The following EPS15L1 variants were observed in gnomAD, a reference collection of about 807,000 sequenced individuals.
EPS15L1 encodes epidermal growth factor receptor substrate 15-like 1.
In EPS15L1, 43 loss-of-function variants were observed where a neutral mutation model predicts 117.1. The observed-to-expected ratio is 0.37, with a 90% CI of 0.29 to 0.47. The LOEUF is 0.47. EPS15L1 is among the 20% of genes least tolerant of loss of function. The pLI, the probability that EPS15L1 is intolerant of heterozygous loss-of-function variation, is 0.99. For missense variants in EPS15L1, 981 were observed against 1,164.0 expected (o/e 0.84, Z 2.29); for synonymous variants, 459 against 470.5 (o/e 0.98, Z 0.32).
chr19:16,430,770 C>A (rs925767476), intron 7 of EPS15L1, among the ~76,000 whole-genome samples: 1 of 152,160 alleles, frequency 6.6e-6, no homozygotes, highest in Non-Finnish European at 1.5e-5. Flanking sequence ...GATGCAAGTG[C>A]GCACGGATGA....
chr19:16,367,254 A>G (rs964734616), intron 22 of EPS15L1, among the ~76,000 whole-genome samples: 1 of 151,740 alleles, frequency 6.6e-6, no homozygotes, highest in Non-Finnish European at 1.5e-5. Context: ...CGGGGACCAC[A>G]GCAGACGGCA....
At chr19:16,422,947 G>A (rs2092831794) in intron 9 of EPS15L1, among the ~76,000 whole-genome samples, 1 of 134,636 alleles carries the variant, frequency 7.4e-6, no homozygotes, top group Non-Finnish European at 1.6e-5. Flanking sequence ...GACAGAGCAA[G>A]ACTCCGTCTC....
intron 12 of EPS15L1, among the ~76,000 whole-genome samples, chr19:16,414,705 T>C (rs1462529820): frequency 1.3e-5 from 2 of 150,068 alleles, no homozygotes; most frequent in Non-Finnish European, 3.0e-5. Flanking sequence ...GGCCTTTTTT[T>C]GGTTTTGTTT....
chr19:16,404,510 G>A lies in EPS15L1; in HGVS notation c.1428+78C>T. On this transcript the variant is annotated intron_variant, in intron 14 of 23. Coordinates refer to ENST00000455140, the MANE Select transcript of EPS15L1 (RefSeq NM_001258374.3). This position sits in a 1 kb window ranked among gnomAD's most constrained non-coding sequence, Gnocchi z 4.2. ...GGATGTCTAAGTGTTGTGTTCCCAGGTAACACGAGCTCAGGGGAGTCCTTG... is the reference window on the plus strand; with the variant it reads ...GGATGTCTAAGTGTTGTGTTCCCAGATAACACGAGCTCAGGGGAGTCCTTG... 1.3e-6 allele frequency: 2 copies of A among 1,510,954 alleles called. No homozygotes were observed. Among genetic ancestry groups the A allele is most frequent in the Non-Finnish European group, 1.8e-6 (2 of 1,101,168 alleles). 93.6% of individuals were successfully genotyped at this position (1,510,954 alleles called of 1,614,324 possible). A position where few individuals can be genotyped will look rare whatever the true frequency, so the allele number is the denominator to read the frequency against.
At chr19:16,424,973 TAA>T (rs2092854823) in intron 9 of EPS15L1, 108 bp downstream of exon 9, 4 of 1,038,632 alleles carry the variant, frequency 3.9e-6, no homozygotes. Context: ...AAGCATTTTT[TAA>T]AGACATTTCA....
intron 14 of EPS15L1, 35 bp from the exon 15 acceptor site, chr19:16,403,965 C>G: frequency 6.4e-7 from 1 of 1,573,674 alleles, no homozygotes; most frequent in Non-Finnish European, 8.7e-7. Context: ...TAAAGAGATT[C>G]ACAGTGCAGG....
intron 10 of EPS15L1, among the ~76,000 whole-genome samples, chr19:16,420,836 G>A (rs558834048): frequency 3.9e-5 from 6 of 152,338 alleles, no homozygotes; most frequent in Admixed American, 2.6e-4. Flanking sequence ...GGGCTCTGAG[G>A]CACTGACAGG....
chr19:16,355,844 T>C lies in EPS15L1; in HGVS notation c.2594A>G (p.Asn865Ser). 1.2e-5 allele frequency: 19 copies of C among 1,535,778 alleles called. No homozygotes were observed. Among genetic ancestry groups the C allele is most frequent in the Non-Finnish European group, 1.5e-5 (17 of 1,146,602 alleles). ...SGFADFTSFGNEEQQLAWAKR... is the reference protein window; with the variant it reads ...SGFADFTSFGSEEQQLAWAKR... ...GGCCCACGCCAGCTGCTGCTCCTCATTGCCAAACTGCAAAGGAAAAACGGA... is the reference window on the plus strand; with the variant it reads ...GGCCCACGCCAGCTGCTGCTCCTCACTGCCAAACTGCAAAGGAAAAACGGA... The change falls in exon 24 of 24, where the codon AAT becomes AGT. Residue 865 changes from asparagine to serine, a missense_variant. Physicochemically the swap from Asn to Ser is conservative, Grantham distance 46. Coordinates refer to ENST00000455140, the MANE Select transcript of EPS15L1 (RefSeq NM_001258374.3).
At position 16,425,086 on chromosome 19, in the gene EPS15L1, T is replaced by C; in HGVS notation, c.789A>G (p.Thr263=). 1.2e-6 allele frequency: 2 copies of C among 1,613,536 alleles called. No individual in the cohort carries two copies. Among genetic ancestry groups the C allele is most frequent in the Non-Finnish European group, 1.7e-6 (2 of 1,179,408 alleles). The change falls in exon 9 of 24, where the codon ACA becomes ACG. Residue 263 remains threonine (T), a synonymous_variant. Coordinates refer to ENST00000455140, the MANE Select transcript of EPS15L1 (RefSeq NM_001258374.3). The part of the protein sequence containing the change: ...SLSPKHSLKQ[T]QPTVNWVVPV... ...GTGCCCGCTGAGGGCTCCGTACCTGTGTTTGCTTGAGGCTGTGCTTGGGGG... is the reference window on the plus strand; with the variant it reads ...GTGCCCGCTGAGGGCTCCGTACCTGCGTTTGCTTGAGGCTGTGCTTGGGGG...
In EPS15L1 at chr19:16,417,998, C is replaced by T. The variant is rs538369139; in HGVS notation, c.1057G>A (p.Val353Ile). The T allele has an allele frequency of 6.8e-6, 11 of 1,614,182 alleles. No homozygotes were observed. In the East Asian group the frequency reaches 2.2e-4, roughly 33 times the overall value. ...KVSKGIDPPQ[V>I]LSPDMVPPSE... ...GGCGGGACCATGTCCGGCGAGAGGACTTGAGGAGGGTCGATGCCTTTACTG... is the reference window on the plus strand; with the variant it reads ...GGCGGGACCATGTCCGGCGAGAGGATTTGAGGAGGGTCGATGCCTTTACTG... The change falls in exon 11 of 24, where the codon GTC (valine) becomes ATC (isoleucine). Residue 353 changes from valine (V) to isoleucine (I), a missense_variant. Val to Ile is a conservative substitution (Grantham distance 29). Transcript: ENST00000455140.
rs1026250069 is a variant in EPS15L1, at chr19:16,392,999, G to A, written c.1967-559C>T. 5.3e-5 allele frequency among the ~76,000 whole-genome samples: 8 copies of A among 151,672 alleles called. No homozygotes were observed. In the East Asian group the frequency reaches 7.8e-4, roughly 15 times the overall value. Reference sequence around the variant, plus strand: ...CAAGGCTGCAGTGAGCTATAATTGCGCCACTGCACTCCAGCCTAGGCAATA... The same window carrying A: ...CAAGGCTGCAGTGAGCTATAATTGCACCACTGCACTCCAGCCTAGGCAATA... On this transcript the variant is annotated intron_variant, in intron 18 of 23. Transcript: ENST00000455140.
chr19:16,402,817 T>G (rs1041847619), intron 15 of EPS15L1, among the ~76,000 whole-genome samples: 2 of 152,158 alleles, frequency 1.3e-5, no homozygotes, highest in African/African-American at 2.4e-5. Flanking sequence ...ACTCCTGGCC[T>G]CAAGTGATCC....
In EPS15L1 at chr19:16,428,208, A is replaced by AAAAAAG. The variant is rs1555758225; in HGVS notation, c.558+493_558+494insCTTTTT. ...AGAGCAAGACTCCGTATCAAAAAAA[A>AAAAAAG]AAAGAAAGAAAGAAAGAAAGAAGGC... On this transcript the variant is annotated intron_variant, in intron 8 of 23. Transcript: ENST00000455140. 9.1e-4 allele frequency among the ~76,000 whole-genome samples: 136 copies of AAAAAAG among 149,120 alleles called. 1 individual carries two copies. The highest frequency in any genetic ancestry group is 6.1e-3 in the South Asian group (29 of 4,730).
At chr19:16,406,961 G>A (rs1177212809) in intron 13 of EPS15L1, among the ~76,000 whole-genome samples, 3 of 152,172 alleles carry the variant, frequency 2.0e-5, no homozygotes, top group African/African-American at 4.8e-5. Context: ...GAGCTGCCTC[G>A]ATCTTTCCAC....
intron 1 of EPS15L1, among the ~76,000 whole-genome samples, chr19:16,467,176 T>A (rs544622969): frequency 6.6e-5 from 10 of 150,708 alleles, no homozygotes; most frequent in Non-Finnish European, 1.2e-4. Flanking sequence ...AGACGTAGTG[T>A]CACTTTGTTG....
chr19:16,390,117 A>C (rs903878709), intron 19 of EPS15L1, among the ~76,000 whole-genome samples: 1 of 152,186 alleles, frequency 6.6e-6, no homozygotes, highest in Non-Finnish European at 1.5e-5. Context: ...CCCCAACACT[A>C]TGCTACTTAC....
chr19:16,449,444 T>C (rs2093118731), intron 1 of EPS15L1, among the ~76,000 whole-genome samples: 1 of 152,178 alleles, frequency 6.6e-6, no homozygotes, highest in South Asian at 2.1e-4. Context: ...CACTGCACGC[T>C]ATCAGAGTGG....
intron 8 of EPS15L1, among the ~76,000 whole-genome samples, chr19:16,426,867 G>A (rs1442058779): frequency 6.6e-6 from 1 of 152,022 alleles, no homozygotes; most frequent in African/African-American, 2.4e-5. Context: ...GAATATAAGG[G>A]GTATATACAG....
intron 16 of EPS15L1, chr19:16,401,301 AG>A: frequency 1.0e-6 from 1 of 985,438 alleles, no homozygotes. Context: ...CTTGGGACTG[AG>A]GACTTGGCTG....
Sources: allele counts gnomAD v4.1 joint callset (sites outside exome capture counted in the v4.1 genomes callset), GRCh38; gene constraint gnomAD v4.1.1; non-coding constraint Gnocchi (gnomAD v3.1); transcripts MANE v1.5; gene names NCBI Gene and HGNC (gene_info 2026-07-23, HGNC 2026-07-21).